SLC25A21: variants seen among roughly 807,000 people sequenced by gnomAD.
SLC25A21 encodes the protein solute carrier family 25 member 21.
Under a neutral mutation model 43.8 loss-of-function variants are expected in SLC25A21, and 47 were observed. That is an observed-to-expected ratio of 1.07 (90% CI 0.85 to 1.37). The LOEUF is 1.37. SLC25A21 is among the 40% of genes most tolerant of loss of function. The pLI, the probability that SLC25A21 is intolerant of heterozygous loss-of-function variation, is 0.00. For missense variants in SLC25A21, 352 were observed against 350.2 expected, an observed-to-expected ratio of 1.00 and a Z score of -0.04; for synonymous variants, 131 against 121.3, an observed-to-expected ratio of 1.08 and a Z score of -0.52.
chr14:36,860,601 C>T (rs1890039308), intron 2 of SLC25A21, among the ~76,000 whole-genome samples: 1 of 152,188 alleles, frequency 6.6e-6, no homozygotes, highest in African/African-American at 2.4e-5. Context: ...GTCTGCTCAC[C>T]TGACCTTTCC....
intron 2 of SLC25A21, among the ~76,000 whole-genome samples, chr14:36,829,443 TAA>T (rs1408626869): frequency 6.6e-6 from 1 of 152,138 alleles, no homozygotes; most frequent in African/African-American, 2.4e-5. Context: ...TTCTCAAAGA[TAA>T]AGAGTTTTCA....
At chr14:36,712,607 T>C (rs1883932211) in intron 6 of SLC25A21, among the ~76,000 whole-genome samples, 1 of 152,190 alleles carries the variant, frequency 6.6e-6, no homozygotes, top group African/African-American at 2.4e-5. Flanking sequence ...TAGTAAATCC[T>C]ATAGTCTTTG....
At chr14:37,074,709 T>C (rs568356290) in intron 1 of SLC25A21, among the ~76,000 whole-genome samples, 2 of 152,186 alleles carry the variant, frequency 1.3e-5, no homozygotes, top group African/African-American at 4.8e-5. Flanking sequence ...GGTGTGCACC[T>C]GTAATCCCAG....
At chr14:36,685,027 C>A in intron 7 of SLC25A21, 102 bp from the exon 8 acceptor site, 1 of 794,320 alleles carries the variant, frequency 1.3e-6, no homozygotes, top group South Asian at 2.7e-5. Context: ...ATTGCACTCC[C>A]GGCACCCTCC....
chr14:37,016,992 T>G (rs1178013324), intron 1 of SLC25A21, among the ~76,000 whole-genome samples: 5 of 152,086 alleles, frequency 3.3e-5, no homozygotes, highest in Non-Finnish European at 7.4e-5. Flanking sequence ...GCTCGTTTGA[T>G]CTTCTATCCA....
intron 2 of SLC25A21, among the ~76,000 whole-genome samples, chr14:36,841,483 T>C (rs559594114): frequency 3.3e-5 from 5 of 152,234 alleles, no homozygotes; most frequent in African/African-American, 1.2e-4. Context: ...TGCATTTTTT[T>C]CCCCTTTCTT....
chr14:37,024,654 T>G (rs1293477231), intron 1 of SLC25A21, among the ~76,000 whole-genome samples: 1 of 151,948 alleles, frequency 6.6e-6, no homozygotes, highest in South Asian at 2.1e-4. Flanking sequence ...AAAAAACAGA[T>G]CAACAGCTTT....
Position 36,862,524 on chromosome 14 carries a change from G to C in SLC25A21, c.119+12432C>G, listed in dbSNP as rs139564383. Among the ~76,000 whole-genome samples, 477 of 152,100 alleles carry C rather than the reference G, an allele frequency of 3.1e-3. 2 individuals carry two copies. Among genetic ancestry groups the C allele is most frequent in the African/African-American group, 0.011 (442 of 41,516 alleles). On this transcript the variant is annotated intron_variant, in intron 2 of 9. Transcript: ENST00000331299. The stretch of plus-strand genomic sequence containing the variant: ...TAACACAGGAACAGAAAACCAAACA[G>C]TGCATGTTCTCACTCATAAGTGGGA...
chr14:36,997,783 G>T (rs1417796956), intron 1 of SLC25A21, among the ~76,000 whole-genome samples: 4 of 147,620 alleles, frequency 2.7e-5, no homozygotes, highest in Admixed American at 6.7e-5. Flanking sequence ...TTGCACCATT[G>T]CACTGCAGCC....
intron 1 of SLC25A21, among the ~76,000 whole-genome samples, chr14:37,084,602 T>C (rs1962449284): frequency 6.6e-6 from 1 of 152,226 alleles, no homozygotes; most frequent in Non-Finnish European, 1.5e-5. Context: ...AACATTATAT[T>C]CTACATGAAA....
At chr14:37,089,128 T>A (rs927902771) in intron 1 of SLC25A21, among the ~76,000 whole-genome samples, 4 of 152,156 alleles carry the variant, frequency 2.6e-5, no homozygotes, top group African/African-American at 9.7e-5. Context: ...TCCACAAATT[T>A]ATACCATCTC....
chr14:36,772,799 T>G (rs961012098), intron 3 of SLC25A21, among the ~76,000 whole-genome samples: 1 of 152,234 alleles, frequency 6.6e-6, no homozygotes, highest in African/African-American at 2.4e-5. Flanking sequence ...GGCAGTTCAG[T>G]GTTACATAAT....
At chr14:37,112,707 C>T (rs1963040642) in intron 1 of SLC25A21, among the ~76,000 whole-genome samples, 1 of 152,166 alleles carries the variant, frequency 6.6e-6, no homozygotes, top group South Asian at 2.1e-4. Context: ...TTATGACTAT[C>T]CACCATCAAT....
intron 1 of SLC25A21, among the ~76,000 whole-genome samples, chr14:36,985,153 A>C (rs1960116730): frequency 7.1e-6 from 1 of 139,872 alleles, no homozygotes. Context: ...AGGAAGGGGA[A>C]TATCACACTC....
At chr14:36,975,059 A>C (rs1959838600) in intron 1 of SLC25A21, among the ~76,000 whole-genome samples, 1 of 152,212 alleles carries the variant, frequency 6.6e-6, no homozygotes, top group African/African-American at 2.4e-5. Flanking sequence ...CAACAATCAC[A>C]TGAGGAAAGT....
At chr14:37,094,725 T>C (rs1962652627) in intron 1 of SLC25A21, among the ~76,000 whole-genome samples, 1 of 107,180 alleles carries the variant, frequency 9.3e-6, no homozygotes, top group Non-Finnish European at 2.0e-5. Context: ...TGAAGCATGG[T>C]TGGTGATAGC....
chr14:36,750,556 C>CT (rs1885668380), intron 3 of SLC25A21, among the ~76,000 whole-genome samples: 1 of 152,098 alleles, frequency 6.6e-6, no homozygotes, highest in Non-Finnish European at 1.5e-5. Flanking sequence ...TAATTTTAGT[C>CT]TAATTTGATG....
In SLC25A21 at chr14:36,680,686, G is replaced by C; in HGVS notation, c.872C>G (p.Thr291Ser). 6.2e-7 allele frequency: 1 copy of C among 1,612,946 alleles called. No individual in the cohort carries two copies. Among genetic ancestry groups the C allele is most frequent in the Non-Finnish European group, 8.5e-7 (1 of 1,179,486 alleles). ...GAVMLLVYEY[T>S]YSWLQENW ...CCAGTTCTCTTGAAGCCATGAATAG[G>C]TGTATTCATAAACCAGCAGCATCAC... The change falls in exon 10 of 10, where the codon ACC becomes AGC. Residue 291 changes from threonine to serine, a missense_variant. Coordinates refer to ENST00000331299, the MANE Select transcript of SLC25A21 (RefSeq NM_030631.4).
intron 1 of SLC25A21, among the ~76,000 whole-genome samples, chr14:37,009,852 G>A (rs1257256033): frequency 1.3e-5 from 2 of 152,146 alleles, no homozygotes; most frequent in Non-Finnish European, 2.9e-5. Flanking sequence ...ATTATAGAGA[G>A]TGGGGAGAGA....
Sources: gnomAD v4.1 joint callset for allele counts (sites outside exome capture counted in the v4.1 genomes callset) on GRCh38, gnomAD v4.1.1 for gene constraint, MANE v1.5 for transcripts, NCBI Gene and HGNC (gene_info 2026-07-23, HGNC 2026-07-21) for gene names.